The following UTS2 variants were observed in gnomAD, a reference collection of about 807,000 sequenced individuals.
The protein encoded by UTS2 is urotensin 2, also known as urotensin-2.
UTS2 carries 10 observed loss-of-function variants against 12.6 expected under a neutral mutation model. The observed-to-expected ratio is 0.80, with a 90% CI of 0.49 to 1.35. UTS2 has a LOEUF of 1.35. Ranked by LOEUF, UTS2 falls within the 40% of genes most tolerant of loss-of-function variation. The pLI, the probability that UTS2 is intolerant of heterozygous loss-of-function variation, is 0.00. For synonymous variants in UTS2, 52 were observed against 50.0 expected, an observed-to-expected ratio of 1.04 and a Z score of -0.17; for missense variants, 142 against 143.2, an observed-to-expected ratio of 0.99 and a Z score of 0.04.
the UTS2 span, among the ~76,000 whole-genome samples, chr1:7,872,794 G>A: frequency 3.1e-4 from 47 of 152,346 alleles, 1 homozygote; most frequent in African/African-American, 1.0e-3. Flanking sequence ...CATTGATGAA[G>A]GTGGCTACTC....
At chr1:7,862,846 A>G in the UTS2 span, among the ~76,000 whole-genome samples, 1 of 152,144 alleles carries the variant, frequency 6.6e-6, no homozygotes, top group East Asian at 1.9e-4. Flanking sequence ...GGACCTTTGC[A>G]CTGGCTGTTC....
At chr1:7,866,871 T>C in the UTS2 span, among the ~76,000 whole-genome samples, 1 of 152,118 alleles carries the variant, frequency 6.6e-6, no homozygotes, top group African/African-American at 2.4e-5. This position sits in a 1 kb window ranked among gnomAD's most constrained non-coding sequence, Gnocchi z 4.5. Context: ...TTTTTTTGTT[T>C]TTGCCTTTGT....
At chr1:7,861,350 CAAG>C in the UTS2 span, among the ~76,000 whole-genome samples, 5 of 151,976 alleles carry the variant, frequency 3.3e-5, no homozygotes, top group Admixed American at 2.6e-4. Flanking sequence ...GCAACTTTGA[CAAG>C]AGCCGTTTTG....
the UTS2 span, among the ~76,000 whole-genome samples, chr1:7,883,038 A>G: frequency 1.3e-5 from 2 of 152,202 alleles, no homozygotes; most frequent in African/African-American, 2.4e-5. Flanking sequence ...CTGGGTATTA[A>G]TCCAAAGGGA....
chr1:7,907,863 T>C, the UTS2 span, among the ~76,000 whole-genome samples: 189 of 152,106 alleles, frequency 1.2e-3, 1 homozygote, highest in Non-Finnish European at 2.0e-3. Context: ...GTTTACCTTT[T>C]AAGATTATGG....
At chr1:7,872,743 G>A in the UTS2 span, among the ~76,000 whole-genome samples, 1 of 152,178 alleles carries the variant, frequency 6.6e-6, no homozygotes, top group Non-Finnish European at 1.5e-5. Context: ...AAGGGCTGAG[G>A]GAGAAGCAGA....
chr1:7,885,714 C>A, the UTS2 span, among the ~76,000 whole-genome samples: 1 of 151,564 alleles, frequency 6.6e-6, no homozygotes. Flanking sequence ...AAGGAGTGGG[C>A]GTGGCAAGGG....
the UTS2 span, among the ~76,000 whole-genome samples, chr1:7,909,523 G>A: frequency 0.011 from 1,538 of 143,156 alleles, 29 homozygotes; most frequent in African/African-American, 0.039. Flanking sequence ...CTCCAGCCTG[G>A]ATGACAGAGC....
At chr1:7,875,998 G>T in the UTS2 span, among the ~76,000 whole-genome samples, 2 of 152,182 alleles carry the variant, frequency 1.3e-5, no homozygotes, top group Non-Finnish European at 2.9e-5. Context: ...CTCTCCAGGA[G>T]CCTAGGGATC....
intron 1 of UTS2, among the ~76,000 whole-genome samples, chr1:7,851,620 T>C (rs1363632375): frequency 1.3e-5 from 2 of 152,206 alleles, no homozygotes; most frequent in Admixed American, 6.5e-5. Context: ...AGGCCATGTG[T>C]GGGACCAGCG....
chr1:7,852,670 C>G (rs1364534069), intron 1 of UTS2, among the ~76,000 whole-genome samples: 1 of 151,956 alleles, frequency 6.6e-6, no homozygotes, highest in African/African-American at 2.4e-5. Flanking sequence ...ATGAAACAAG[C>G]AATTATCCTC....
At chr1:7,903,680 C>T in the UTS2 span, among the ~76,000 whole-genome samples, 9 of 151,838 alleles carry the variant, frequency 5.9e-5, no homozygotes, top group East Asian at 1.4e-3. Flanking sequence ...ATGAGCACCA[C>T]GTCCGGCCTA....
the UTS2 span, among the ~76,000 whole-genome samples, chr1:7,875,982 A>G: frequency 3.3e-5 from 5 of 152,084 alleles, no homozygotes; most frequent in East Asian, 1.9e-4. Context: ...CTGGTACCCA[A>G]GCATACTCTC....
chr1:7,894,789 G>A, the UTS2 span, among the ~76,000 whole-genome samples: 1 of 151,114 alleles, frequency 6.6e-6, no homozygotes, highest in Non-Finnish European at 1.5e-5. Flanking sequence ...AAACCAGCCC[G>A]GCAACATGGT....
chr1:7,896,746 A>G, the UTS2 span, among the ~76,000 whole-genome samples: 1 of 151,370 alleles, frequency 6.6e-6, no homozygotes, highest in Non-Finnish European at 1.5e-5. Flanking sequence ...CCCAGTCTGG[A>G]GTGCAGTGGT....
the UTS2 span, among the ~76,000 whole-genome samples, chr1:7,912,475 A>T: frequency 6.6e-6 from 1 of 152,102 alleles, no homozygotes; most frequent in South Asian, 2.1e-4. Flanking sequence ...TTTCTTTGAG[A>T]TGAAATCTCA....
chr1:7,855,968 G>A (rs1210640317), upstream of UTS2, among the ~76,000 whole-genome samples: 1 of 151,512 alleles, frequency 6.6e-6, no homozygotes, highest in African/African-American at 2.4e-5. Context: ...CCAACCCTCT[G>A]GGATTACAGG....
At chr1:7,870,217 G>T in the UTS2 span, among the ~76,000 whole-genome samples, 4 of 152,206 alleles carry the variant, frequency 2.6e-5, no homozygotes, top group African/African-American at 4.8e-5. Flanking sequence ...GTAAATTAAA[G>T]TAGGCCCTGG....
chr1:7,898,291 G>A, the UTS2 span, among the ~76,000 whole-genome samples: 1 of 152,262 alleles, frequency 6.6e-6, no homozygotes, highest in South Asian at 2.1e-4. Context: ...AGTACCGCAA[G>A]CTGTCCTGAG....
Sources: gnomAD v4.1 joint callset for allele counts (sites outside exome capture counted in the v4.1 genomes callset) on GRCh38, gnomAD v4.1.1 for gene constraint, Gnocchi (gnomAD v3.1) non-coding constraint, MANE v1.5 for transcripts, NCBI Gene and HGNC (gene_info 2026-07-23, HGNC 2026-07-21) for gene names.